CHL1: variants seen among roughly 807,000 people sequenced by gnomAD.
The protein encoded by CHL1 is cell adhesion molecule L1 like.
CHL1 carries 96 observed loss-of-function variants against 141.9 expected under a neutral mutation model. The ratio of observed to expected loss-of-function variants is 0.68; its 90% CI spans 0.57 to 0.80. The LOEUF (loss-of-function observed/expected upper bound fraction) is 0.80. Among genes scored for constraint, CHL1 ranks in the 30% least tolerant of loss-of-function variants. The pLI, the probability that CHL1 is intolerant of heterozygous loss-of-function variation, is 0.00. For synonymous variants in CHL1, 613 were observed against 502.2 expected, an observed-to-expected ratio of 1.22 and a Z score of -2.95; for missense variants, 1,820 against 1,457.2, an observed-to-expected ratio of 1.25 and a Z score of -4.05.
At chr3:305,615 G>T (rs9637438) in intron 2 of CHL1, among the ~76,000 whole-genome samples, 1 of 151,196 alleles carries the variant, frequency 6.6e-6, no homozygotes, top group Non-Finnish European at 1.5e-5. Context: ...CCTATAACTT[G>T]CTTTTTTCAC....
chr3:342,932 A>G lies in CHL1; in HGVS notation c.680-52A>G, dbSNP rs375155716. The stretch of plus-strand genomic sequence containing the variant: ...ATATGACTTTTCATTCTTTATTGAT[A>G]TCAGCATCCACCATTATGTTTGTGT... On this transcript the variant is annotated intron_variant, in intron 7 of 27. Transcript: ENST00000256509. 46 of 1,429,074 alleles carry G rather than the reference A, an allele frequency of 3.2e-5. No homozygotes were observed. The Middle Eastern group carries it at 1.1e-3, about 34-fold the overall frequency. The allele number at this position is 1,429,074 out of a possible 1,614,324, so 88.5% of individuals were successfully genotyped here. A position where few individuals can be genotyped will look rare whatever the true frequency, so the allele number is the denominator to read the frequency against.
intron 16 of CHL1, among the ~76,000 whole-genome samples, chr3:379,429 T>C (rs1274355195): frequency 6.6e-6 from 1 of 152,100 alleles, no homozygotes; most frequent in Non-Finnish European, 1.5e-5. Flanking sequence ...AAAGGTTTAA[T>C]CCCCTAGGAT....
intron 1 of CHL1, among the ~76,000 whole-genome samples, chr3:214,798 G>C (rs1053327841): frequency 6.6e-6 from 1 of 152,162 alleles, no homozygotes; most frequent in African/African-American, 2.4e-5. Flanking sequence ...TTATGAGAGA[G>C]TATAAAGCAA....
At chr3:372,769 G>C (rs561620556) in intron 15 of CHL1, among the ~76,000 whole-genome samples, 1 of 151,546 alleles carries the variant, frequency 6.6e-6, no homozygotes, top group East Asian at 1.9e-4. Flanking sequence ...CACTTGGATG[G>C]GGTTTTTTGT....
At chr3:382,063 C>G in intron 16 of CHL1, 116 bp from the exon 17 acceptor site, 1 of 740,568 alleles carries the variant, frequency 1.4e-6, no homozygotes, top group Non-Finnish European at 2.2e-6. Context: ...GGGTGCTTCC[C>G]AGGTCCCTAA....
chr3:216,018 T>G (rs1042705819), intron 1 of CHL1, among the ~76,000 whole-genome samples: 1 of 152,194 alleles, frequency 6.6e-6, no homozygotes, highest in African/African-American at 2.4e-5. Flanking sequence ...ATGAATGTTC[T>G]GAGTGAGAAT....
intron 2 of CHL1, among the ~76,000 whole-genome samples, chr3:287,999 C>G (rs970091222): frequency 1.3e-5 from 2 of 152,184 alleles, no homozygotes; most frequent in African/African-American, 4.8e-5. Context: ...AACTCCTGAC[C>G]TCGGGCAATC....
chr3:388,550 G>GAAAAA (rs11319131), intron 19 of CHL1, among the ~76,000 whole-genome samples: 4 of 138,638 alleles, frequency 2.9e-5, no homozygotes, highest in African/African-American at 1.2e-4. Context: ...TCCGTCTCAA[G>GAAAAA]AAAAAAAAAA....
chr3:285,856 G>T (rs1448925717), intron 2 of CHL1, among the ~76,000 whole-genome samples: 1 of 151,950 alleles, frequency 6.6e-6, no homozygotes, highest in Non-Finnish European at 1.5e-5. Flanking sequence ...AAATGTGCCT[G>T]CCTTGATGCT....
In CHL1 at chr3:342,034, T is replaced by C. The variant is rs759301859; in HGVS notation, c.631T>C (p.Leu211=). 2.5e-6 allele frequency: 4 copies of C among 1,613,598 alleles called. No homozygotes were observed. In the East Asian group the frequency reaches 6.7e-5, roughly 27 times the overall value. Residue 211 remains leucine (L), a synonymous_variant, in exon 7 of 28, where the codon TTA becomes CTA. Transcript: ENST00000256509. ...CTGTTGCTTTGCTGCATTTCCAAGA[T>C]TAAGGACTATTGTACAGAAAATGCC... ...DYCCFAAFPR[L]RTIVQKMPMK...
intron 1 of CHL1, among the ~76,000 whole-genome samples, chr3:214,956 GCACACA>G (rs5845952): frequency 1.7e-4 from 25 of 150,368 alleles, no homozygotes; most frequent in African/African-American, 3.2e-4. Flanking sequence ...ATGTGCACGT[GCACACA>G]CACACACACA....
chr3:255,771 T>C (rs997873996), intron 2 of CHL1, among the ~76,000 whole-genome samples: 1 of 152,202 alleles, frequency 6.6e-6, no homozygotes, highest in Admixed American at 6.5e-5. Context: ...GCCCGTAGCA[T>C]ATTTTAGATC....
chr3:332,339 A>G (rs1701505933), intron 5 of CHL1, among the ~76,000 whole-genome samples: 1 of 152,234 alleles, frequency 6.6e-6, no homozygotes. Flanking sequence ...TTGTTAAATT[A>G]TAATGAAAAA....
chr3:380,799 T>C (rs1368370821), intron 16 of CHL1, among the ~76,000 whole-genome samples: 2 of 152,208 alleles, frequency 1.3e-5, no homozygotes, highest in Admixed American at 1.3e-4. Flanking sequence ...GACCTAATGT[T>C]TATTGCTTTA....
intron 5 of CHL1, among the ~76,000 whole-genome samples, chr3:331,303 G>T (rs553069146): frequency 2.0e-5 from 3 of 152,192 alleles, no homozygotes; most frequent in Admixed American, 1.3e-4. Flanking sequence ...TGGCTTCATG[G>T]CTCACTGCAG....
chr3:283,382 A>G (rs768895733), intron 2 of CHL1, among the ~76,000 whole-genome samples: 1 of 152,188 alleles, frequency 6.6e-6, no homozygotes, highest in Non-Finnish European at 1.5e-5. Context: ...GAGATTAGCA[A>G]TCACACATGG....
intron 2 of CHL1, among the ~76,000 whole-genome samples, chr3:259,149 G>C (rs556140962): frequency 1.7e-4 from 26 of 151,942 alleles, no homozygotes; most frequent in Middle Eastern, 3.4e-3. Flanking sequence ...TTGAACTCCT[G>C]GGCTCAAGTG....
chr3:285,285 G>C (rs1268055675), intron 2 of CHL1, among the ~76,000 whole-genome samples: 1 of 152,190 alleles, frequency 6.6e-6, no homozygotes, highest in Non-Finnish European at 1.5e-5. Flanking sequence ...CATTATGACA[G>C]CTGGGTGACT....
chr3:202,248 T>G (rs1699019673), intron 1 of CHL1, among the ~76,000 whole-genome samples: 1 of 152,196 alleles, frequency 6.6e-6, no homozygotes, highest in African/African-American at 2.4e-5. Context: ...GGTTTTTTAT[T>G]GTAGTGATAA....
Sources: gnomAD v4.1 joint callset for allele counts (sites outside exome capture counted in the v4.1 genomes callset) on GRCh38, gnomAD v4.1.1 for gene constraint, MANE v1.5 for transcripts, NCBI Gene and HGNC (gene_info 2026-07-23, HGNC 2026-07-21) for gene names.